The following CREBBP variants were observed in gnomAD, a reference collection of about 807,000 sequenced individuals.
CREBBP encodes CREB binding lysine acetyltransferase.
CREBBP carries 19 observed loss-of-function variants against 265.0 expected under a neutral mutation model. That is an observed-to-expected ratio of 0.07 (90% CI 0.05 to 0.11). CREBBP has a LOEUF of 0.11. CREBBP is among the 10% of genes least tolerant of loss of function. The probability of loss-of-function intolerance (pLI) is 1.00; values close to 1 mark genes in which losing one functional copy is unlikely to be tolerated. For synonymous variants in CREBBP, 1,457 were observed against 1,223.7 expected, an observed-to-expected ratio of 1.19 and a Z score of -3.98; for missense variants, 2,525 against 3,219.0, an observed-to-expected ratio of 0.78 and a Z score of 5.22.
At chr16:3,851,860 CAA>C (rs1159688899) in intron 1 of CREBBP, among the ~76,000 whole-genome samples, 2,404 of 28,882 alleles carry the variant, frequency 0.083, 167 homozygotes, top group African/African-American at 0.28. Flanking sequence ...GACTCCGTCT[CAA>C]AAAAAAAAAA....
At chr16:3,861,692 TAATA>T (rs1187642430) in intron 1 of CREBBP, among the ~76,000 whole-genome samples, 1 of 149,852 alleles carries the variant, frequency 6.7e-6, no homozygotes, top group Admixed American at 6.6e-5. Context: ...GCTGTTTTAT[TAATA>T]TTTATGCCAT....
chr16:3,839,664 AAG>A (rs1333665176), intron 2 of CREBBP, among the ~76,000 whole-genome samples: 1 of 139,562 alleles, frequency 7.2e-6, no homozygotes, highest in African/African-American at 2.6e-5. Flanking sequence ...CCTAGACAAC[AAG>A]AGTGAAACTA....
At chr16:3,849,436 T>TGTGTGTGTGTGTG (rs2054758236) in intron 2 of CREBBP, among the ~76,000 whole-genome samples, 13 of 11,410 alleles carry the variant, frequency 1.1e-3, no homozygotes, top group South Asian at 6.4e-3. Context: ...TGTGTGTGTG[T>TGTGTGTGTGTGTG]GTGTGTGTGT....
At chr16:3,862,954 C>G (rs1201448919) in intron 1 of CREBBP, among the ~76,000 whole-genome samples, 1 of 152,098 alleles carries the variant, frequency 6.6e-6, no homozygotes, top group Admixed American at 6.5e-5. Context: ...CTCTTTTACA[C>G]GGAAATGTGC....
chr16:3,802,195 G>A (rs1473449827), intron 3 of CREBBP, among the ~76,000 whole-genome samples: 3 of 115,186 alleles, frequency 2.6e-5, no homozygotes, highest in Non-Finnish European at 4.9e-5. Context: ...GCAATAGCAT[G>A]ATCTCGGCTC....
chr16:3,797,162 C>T (rs1039749442), intron 3 of CREBBP, among the ~76,000 whole-genome samples: 47 of 152,286 alleles, frequency 3.1e-4, no homozygotes, highest in African/African-American at 1.1e-3. Context: ...TACTTCGGAA[C>T]CTCCCTTTAA....
intron 2 of CREBBP, among the ~76,000 whole-genome samples, chr16:3,821,843 A>G (rs568774504): frequency 1.8e-4 from 28 of 152,320 alleles, no homozygotes; most frequent in African/African-American, 6.5e-4. Context: ...CCGCCTGGCC[A>G]ATATGGTGAA....
intron 23 of CREBBP, chr16:3,743,628 A>G (rs1178701962): frequency 6.6e-6 from 1 of 152,220 alleles, no homozygotes; most frequent in Non-Finnish European, 1.5e-5. Flanking sequence ...ATGTTAGAAC[A>G]CTGCTGCAGT....
At chr16:3,871,169 TAG>T (rs2055287876) in intron 1 of CREBBP, among the ~76,000 whole-genome samples, 3 of 147,696 alleles carry the variant, frequency 2.0e-5, no homozygotes, top group Non-Finnish European at 4.5e-5. Flanking sequence ...AAGCCCCTTT[TAG>T]AGATCTCTCT....
At chr16:3,762,826 G>A (rs1174531456) in intron 16 of CREBBP, among the ~76,000 whole-genome samples, 2 of 149,888 alleles carry the variant, frequency 1.3e-5, no homozygotes, top group Non-Finnish European at 3.0e-5. Flanking sequence ...CCAGGCTGGA[G>A]TGCAGTGGCG....
At position 3,744,904 on chromosome 16, in the gene CREBBP, G is replaced by C; in HGVS notation, c.3972C>G (p.Phe1324Leu). 6.2e-7 allele frequency: 1 copy of C among 1,613,690 alleles called. No homozygotes were observed. ...KTGRPRKENK[F>L]SAKRLQTTRL... ...CTTCCCGAAACTTACTCTTAGCACT[G>C]AATTTGTTTTCTTTTCGAGGTCTGC... The change falls in exon 23 of 31, where the codon TTC (phenylalanine) becomes TTG (leucine). Residue 1324 changes from phenylalanine to leucine, a missense_variant. Physicochemically the swap from Phe to Leu is conservative, Grantham distance 22. Transcript: ENST00000262367.
At chr16:3,735,958 C>T (rs1306610966) in intron 28 of CREBBP, 78 bp downstream of exon 28, 23 of 1,612,220 alleles carry the variant, frequency 1.4e-5, no homozygotes, top group South Asian at 5.5e-5. Flanking sequence ...ACCTAACAGT[C>T]GACACGCGCC....
chr16:3,787,245 C>A (rs1012313940), intron 5 of CREBBP, among the ~76,000 whole-genome samples: 1 of 152,208 alleles, frequency 6.6e-6, no homozygotes, highest in African/African-American at 2.4e-5. Context: ...AACCCAGGCA[C>A]TGCCAGGCTG....
chr16:3,746,020 C>T (rs1275266827), intron 21 of CREBBP, among the ~76,000 whole-genome samples: 1 of 152,240 alleles, frequency 6.6e-6, no homozygotes, highest in East Asian at 1.9e-4. Flanking sequence ...CCCACCAGGG[C>T]TCCGTCACCT....
chr16:3,829,696 C>A (rs1245624158), intron 2 of CREBBP, among the ~76,000 whole-genome samples: 1 of 152,142 alleles, frequency 6.6e-6, no homozygotes, highest in Non-Finnish European at 1.5e-5. Context: ...TAAGAGCCTG[C>A]CAGAACAAAA....
intron 16 of CREBBP, among the ~76,000 whole-genome samples, chr16:3,761,870 G>A (rs2052727574): frequency 6.6e-6 from 1 of 152,210 alleles, no homozygotes; most frequent in African/African-American, 2.4e-5. Flanking sequence ...AAACAATTAT[G>A]TAACAAATAG....
chr16:3,757,484 T>G lies in CREBBP; in HGVS notation c.3610-108A>C, dbSNP rs542845257. The G allele has an allele frequency of 1.3e-5, 14 of 1,046,828 alleles. No individual in the cohort carries two copies. In the African/African-American group the frequency reaches 2.2e-4, roughly 17 times the overall value. The allele number at this position is 1,046,828 out of a possible 1,614,324, so 64.8% of individuals were successfully genotyped here. ...TAGTAAATTATTTCTGTTAGTATAT[T>G]AGACAGTTTTCTAACAATTTTAGTA... On this transcript the variant is annotated intron_variant, in intron 18 of 30. Coordinates refer to ENST00000262367, the MANE Select transcript of CREBBP (RefSeq NM_004380.3).
At position 3,728,159 on chromosome 16, in the gene CREBBP, C is replaced by A. The variant is rs956984557; in HGVS notation, c.6888G>T (p.Leu2296=). 6.2e-7 allele frequency: 1 copy of A among 1,614,114 alleles called. No homozygotes were observed. The highest frequency in any genetic ancestry group is 8.5e-7 in the Non-Finnish European group (1 of 1,180,006). ...TCTGCTGCTTCATCTGCTGTTGCTG[C>A]AGAATCCGCTGCTGCAGGGCTTGCT... ...NIQQALQQRI[L]QQQQMKQQIG... Residue 2296 remains leucine, a synonymous_variant, in exon 31 of 31, where the codon CTG becomes CTT. Transcript: ENST00000262367. This position sits in a 1 kb window ranked among gnomAD's most constrained non-coding sequence, Gnocchi z 8.7.
At chr16:3,862,977 T>A (rs145915122) in intron 1 of CREBBP, among the ~76,000 whole-genome samples, 1 of 152,284 alleles carries the variant, frequency 6.6e-6, no homozygotes. Context: ...AGTAAGTTCA[T>A]TTAACATGGA....
Sources: gnomAD v4.1 joint callset for allele counts (sites outside exome capture counted in the v4.1 genomes callset) on GRCh38, gnomAD v4.1.1 for gene constraint, Gnocchi (gnomAD v3.1) non-coding constraint, MANE v1.5 for transcripts, NCBI Gene and HGNC (gene_info 2026-07-23, HGNC 2026-07-21) for gene names.